The following PTCH1 variants were observed in gnomAD, a reference collection of about 807,000 sequenced individuals.
The protein encoded by PTCH1 is patched 1, also known as protein patched homolog 1.
A neutral mutation model predicts 144.6 loss-of-function variants in PTCH1; 14 were observed. That is an observed-to-expected ratio of 0.10 (90% CI 0.06 to 0.15). The LOEUF is 0.15. Ranked by LOEUF, PTCH1 falls within the 10% of genes least tolerant of loss-of-function variation. The probability of loss-of-function intolerance (pLI) is 1.00; values close to 1 mark genes in which losing one functional copy is unlikely to be tolerated. For missense variants in PTCH1, 1,623 were observed against 1,948.3 expected (o/e 0.83, Z 3.14); for synonymous variants, 833 against 793.6 (o/e 1.05, Z -0.83).
intron 2 of PTCH1, among the ~76,000 whole-genome samples, chr9:95,505,344 C>G (rs1042703502): frequency 1.3e-5 from 2 of 152,174 alleles, no homozygotes; most frequent in African/African-American, 4.8e-5. Context: ...CCCTACTACC[C>G]TCTTGTAAGG....
intron 16 of PTCH1, 116 bp downstream of exon 16, chr9:95,461,740 C>T: frequency 1.4e-6 from 2 of 1,415,178 alleles, no homozygotes; most frequent in Non-Finnish European, 1.9e-6. Flanking sequence ...TACCAGCTCC[C>T]AGTGCCTTAG....
chr9:95,469,648 G>C (rs140988941), intron 13 of PTCH1, among the ~76,000 whole-genome samples, 165 bp downstream of exon 13: 1 of 152,216 alleles, frequency 6.6e-6, no homozygotes, highest in Non-Finnish European at 1.5e-5. Context: ...CAGGGACTCT[G>C]ATGTCCCCCT....
intron 7 of PTCH1, among the ~76,000 whole-genome samples, chr9:95,479,673 C>T (rs1841371538): frequency 2.6e-5 from 4 of 152,180 alleles, no homozygotes. Flanking sequence ...GTGTCCCGGC[C>T]TACTTTACAC....
At chr9:95,516,346 C>T in intron 1 of PTCH1, 1 of 723,162 alleles carries the variant, frequency 1.4e-6, no homozygotes, top group Non-Finnish European at 1.7e-6. Context: ...CTGCCCGGCG[C>T]TCGGGGCTCG....
At chr9:95,448,631 T>A (rs1225736233) in intron 22 of PTCH1, among the ~76,000 whole-genome samples, 1 of 151,250 alleles carries the variant, frequency 6.6e-6, no homozygotes, top group East Asian at 2.0e-4. Context: ...CATTGAAACC[T>A]AACAGAAATG....
chr9:95,504,439 G>A (rs577517937), intron 2 of PTCH1, among the ~76,000 whole-genome samples: 4 of 152,322 alleles, frequency 2.6e-5, no homozygotes, highest in South Asian at 2.1e-4. Context: ...CCTTCAACAT[G>A]TCAAAGGTCC....
chr9:95,459,899 C>T, intron 16 of PTCH1, 116 bp from the exon 17 acceptor site: 9 of 1,146,938 alleles, frequency 7.8e-6, no homozygotes, highest in Non-Finnish European at 1.0e-5. Flanking sequence ...AATAGAATGC[C>T]TACTGTTGAA....
intron 1 of PTCH1, chr9:95,507,920 G>GCACACA: frequency 2.1e-6 from 2 of 957,732 alleles, no homozygotes; most frequent in Admixed American, 2.9e-5. Context: ...ACACACACAC[G>GCACACA]CACACACACA....
At chr9:95,479,648 C>T (rs1841370300) in intron 7 of PTCH1, among the ~76,000 whole-genome samples, 1 of 152,196 alleles carries the variant, frequency 6.6e-6, no homozygotes, top group African/African-American at 2.4e-5. Context: ...GCACCACCAA[C>T]TCTCTCTGAC....
chr9:95,446,648 C>T (rs1837919933), intron 23 of PTCH1: 6 of 581,844 alleles, frequency 1.0e-5, no homozygotes, highest in Non-Finnish European at 1.9e-5. Context: ...AAAGGTGGTG[C>T]TGTTTGTGTC....
rs752108063 is a variant in PTCH1, at chr9:95,478,980, C to T, written c.1215+20G>A. On this transcript the variant is annotated intron_variant, in intron 8 of 23. Coordinates refer to ENST00000331920, the MANE Select transcript of PTCH1 (RefSeq NM_000264.5). The stretch of plus-strand genomic sequence containing the variant: ...TTGCATAACCAGCGAGTCTGCACGC[C>T]GATTCGAAGGTGGGTTTACCTCCAC... The T allele has an allele frequency of 1.4e-5, 23 of 1,614,048 alleles. No individual in the cohort carries two copies. The South Asian group carries it at 2.0e-4, about 14-fold the overall frequency.
In PTCH1 at chr9:95,447,247, C is replaced by T. The variant is rs1838019230; in HGVS notation, c.4009G>A (p.Ala1337Thr). The T allele has an allele frequency of 1.2e-6, 2 of 1,612,920 alleles. No homozygotes were observed. The highest frequency in any genetic ancestry group is 1.7e-6 in the Non-Finnish European group (2 of 1,179,884). The change falls in exon 23 of 24, where the codon GCC becomes ACC. Residue 1337 changes from alanine to threonine, a missense_variant. Ala to Thr is a moderately conservative substitution (Grantham distance 58). This residue lies in a region of PTCH1 where 291 missense variants were observed against 287.4 expected (regional missense o/e 1.01). Transcript: ENST00000331920. Reference protein sequence around the residue: ...TEGHSGPSNRARWGPRGARSH... With the variant: ...TEGHSGPSNRTRWGPRGARSH... ...CGGGCCCCGCGAGGGCCCCAGCGGG[C>T]CCTATTGCTAGGGCCAGAATGCCCT... is the stretch of plus-strand genomic sequence containing the variant.
chr9:95,501,127 G>C (rs1431953573), intron 2 of PTCH1, among the ~76,000 whole-genome samples: 1 of 152,178 alleles, frequency 6.6e-6, no homozygotes, highest in Non-Finnish European at 1.5e-5. Flanking sequence ...CATCTGCACA[G>C]CATGAGTCTT....
intron 2 of PTCH1, among the ~76,000 whole-genome samples, chr9:95,490,969 C>T (rs560927066): frequency 6.8e-4 from 104 of 152,248 alleles, no homozygotes; most frequent in Non-Finnish European, 1.4e-3. Flanking sequence ...TATATCAAAA[C>T]ATCACATGTA....
chr9:95,453,321 G>T (rs1474292503), intron 20 of PTCH1, 157 bp downstream of exon 20: 26 of 1,059,902 alleles, frequency 2.5e-5, no homozygotes, highest in Admixed American at 1.5e-4. Flanking sequence ...GAGTGGAGAT[G>T]AGTTTCACCA....
chr9:95,500,900 AG>A (rs1787779892), intron 2 of PTCH1, among the ~76,000 whole-genome samples: 1 of 152,182 alleles, frequency 6.6e-6, no homozygotes, highest in Non-Finnish European at 1.5e-5. Flanking sequence ...CCCCACCAAA[AG>A]GTACCCAAAT....
At position 95,509,243 on chromosome 9, in the gene PTCH1, G is replaced by A. The variant is rs917336063; in HGVS notation, c.-882C>T. On this transcript the variant is annotated 5_prime_UTR_variant, in exon 1 of 24. Transcript: ENST00000331920. Reference sequence around the variant, plus strand: ...GAACTCTCTCCATTTGGAGAAAGAAGAGGAGGAGGGGAGGGGAGGGGGTGG... The same window carrying A: ...GAACTCTCTCCATTTGGAGAAAGAAAAGGAGGAGGGGAGGGGAGGGGGTGG... Among the ~76,000 whole-genome samples the A allele has an allele frequency of 3.3e-5, 5 of 151,086 alleles. No homozygotes were observed. Among genetic ancestry groups the A allele is most frequent in the African/African-American group, 1.2e-4 (5 of 41,126 alleles).
At chr9:95,450,179 G>T (rs927204602) in intron 20 of PTCH1, 1 of 509,506 alleles carries the variant, frequency 2.0e-6, no homozygotes. Flanking sequence ...ATGAAGGGAA[G>T]AAAAAAAAAA....
At chr9:95,480,338 A>G in intron 6 of PTCH1, 52 bp downstream of exon 6, 4 of 1,594,776 alleles carry the variant, frequency 2.5e-6, no homozygotes, top group Non-Finnish European at 3.4e-6. Flanking sequence ...AATGGACACA[A>G]AAAAGTGTTT....
Sources: allele counts gnomAD v4.1 joint callset (sites outside exome capture counted in the v4.1 genomes callset), GRCh38; gene constraint gnomAD v4.1.1; regional missense constraint gnomAD v4.1.1; transcripts MANE v1.5; gene names NCBI Gene and HGNC (gene_info 2026-07-23, HGNC 2026-07-21).